Variants in WDR70 observed in about 807,000 individuals in gnomAD.
WDR70 encodes the protein WD repeat domain 70.
Under a neutral mutation model 88.6 loss-of-function variants are expected in WDR70, and 53 were observed. The observed-to-expected ratio is 0.60, with a 90% CI of 0.48 to 0.75. WDR70 has a LOEUF of 0.75. Ranked by LOEUF, WDR70 falls within the 30% of genes least tolerant of loss-of-function variation. The probability of loss-of-function intolerance (pLI) is 0.00; values close to 1 mark genes in which losing one functional copy is unlikely to be tolerated. For synonymous variants in WDR70, 280 were observed against 270.0 expected (o/e 1.04, Z -0.36); for missense variants, 610 against 823.2 (o/e 0.74, Z 3.17).
intron 5 of WDR70, among the ~76,000 whole-genome samples, chr5:37,427,656 G>GC (rs1750173674): frequency 1.3e-5 from 2 of 152,034 alleles, no homozygotes; most frequent in African/African-American, 2.4e-5. Context: ...TGGGTGGATC[G>GC]CTTGAGGATC....
At chr5:37,614,132 G>A (rs545780613) in intron 10 of WDR70, among the ~76,000 whole-genome samples, 1 of 152,336 alleles carries the variant, frequency 6.6e-6, no homozygotes, top group Admixed American at 6.5e-5. Context: ...AAATCAAGGT[G>A]TTAGCAGGGT....
At chr5:37,516,911 G>A (rs1310866936) in intron 9 of WDR70, among the ~76,000 whole-genome samples, 1 of 151,382 alleles carries the variant, frequency 6.6e-6, no homozygotes, top group Non-Finnish European at 1.5e-5. Context: ...TAGTAGAGAC[G>A]GGGTTTCATC....
At chr5:37,503,887 G>A (rs1016186814) in intron 8 of WDR70, among the ~76,000 whole-genome samples, 2 of 152,176 alleles carry the variant, frequency 1.3e-5, no homozygotes, top group East Asian at 3.9e-4. Flanking sequence ...ATTTCCTCTA[G>A]ATTTTCTAGT....
intron 17 of WDR70, among the ~76,000 whole-genome samples, chr5:37,736,082 A>G (rs1748298426): frequency 1.3e-5 from 2 of 152,180 alleles, no homozygotes; most frequent in Non-Finnish European, 2.9e-5. Context: ...AGTTTCTTGT[A>G]AGAAGATGCT....
intron 13 of WDR70, among the ~76,000 whole-genome samples, chr5:37,719,029 CA>C (rs1410750156): frequency 6.6e-6 from 1 of 152,164 alleles, no homozygotes; most frequent in Non-Finnish European, 1.5e-5. Context: ...GACATTTAAG[CA>C]AAGACTAAAA....
intron 7 of WDR70, among the ~76,000 whole-genome samples, chr5:37,462,097 T>C (rs1739023999): frequency 6.6e-6 from 1 of 152,186 alleles, no homozygotes; most frequent in Admixed American, 6.5e-5. Context: ...TTAATATTTT[T>C]CTAGGTTATT....
At chr5:37,596,748 A>T (rs1743711563) in intron 9 of WDR70, among the ~76,000 whole-genome samples, 1 of 152,208 alleles carries the variant, frequency 6.6e-6, no homozygotes, top group Admixed American at 6.5e-5. Context: ...TGTTACATTT[A>T]TTGGAGTCTA....
chr5:37,438,986 C>T (rs911829030), intron 6 of WDR70, among the ~76,000 whole-genome samples: 3 of 149,190 alleles, frequency 2.0e-5, no homozygotes, highest in African/African-American at 2.5e-5. Flanking sequence ...GGTGTGATCT[C>T]GGCTCACTGC....
chr5:37,530,532 A>G (rs1011605537), intron 9 of WDR70, among the ~76,000 whole-genome samples: 11 of 151,472 alleles, frequency 7.3e-5, no homozygotes, highest in Non-Finnish European at 1.2e-4. Context: ...TTAATCTGGG[A>G]GGGTTATATA....
chr5:37,718,058 T>G (rs1239876806), intron 13 of WDR70, among the ~76,000 whole-genome samples: 5 of 152,212 alleles, frequency 3.3e-5, no homozygotes, highest in African/African-American at 1.2e-4. Flanking sequence ...GGCTCTGGAA[T>G]GACTGTTTAG....
At chr5:37,721,491 C>T (rs1282524827) in intron 14 of WDR70, 1 of 465,324 alleles carries the variant, frequency 2.1e-6, no homozygotes, top group Admixed American at 3.3e-5. Context: ...AACGTTCTGC[C>T]CACTTTGCAT....
intron 9 of WDR70, among the ~76,000 whole-genome samples, chr5:37,593,395 C>A (rs570217529): frequency 3.3e-5 from 5 of 151,946 alleles, no homozygotes; most frequent in Admixed American, 6.6e-5. Flanking sequence ...TGAGAACATG[C>A]GGTGTTTGAT....
chr5:37,730,078 T>C (rs1215244711), intron 17 of WDR70, among the ~76,000 whole-genome samples: 5 of 152,196 alleles, frequency 3.3e-5, no homozygotes, highest in Non-Finnish European at 7.4e-5. Flanking sequence ...TGAAAATCTT[T>C]GGTGAAGTGT....
intron 8 of WDR70, among the ~76,000 whole-genome samples, chr5:37,512,637 A>G (rs1445465697): frequency 1.3e-5 from 2 of 149,970 alleles, no homozygotes; most frequent in African/African-American, 2.5e-5. Flanking sequence ...GCTGAAGTGC[A>G]GTGGTGTAAT....
chr5:37,744,113 G>C (rs906660343), intron 17 of WDR70, among the ~76,000 whole-genome samples: 6 of 152,166 alleles, frequency 3.9e-5, no homozygotes, highest in Non-Finnish European at 5.9e-5. Context: ...ACATCTCCAG[G>C]CATGGGAGCG....
At chr5:37,640,079 T>C (rs889943614) in intron 10 of WDR70, among the ~76,000 whole-genome samples, 1 of 152,188 alleles carries the variant, frequency 6.6e-6, no homozygotes, top group Non-Finnish European at 1.5e-5. Context: ...TTTCAACCAC[T>C]GTATCATAGT....
chr5:37,601,375 T>C (rs1743877288), intron 9 of WDR70, among the ~76,000 whole-genome samples: 1 of 152,230 alleles, frequency 6.6e-6, no homozygotes. Context: ...ATAAATCCCA[T>C]TTGATCGTGG....
intron 9 of WDR70, among the ~76,000 whole-genome samples, chr5:37,592,071 A>G (rs1289059858): frequency 1.3e-5 from 2 of 152,188 alleles, no homozygotes; most frequent in Non-Finnish European, 2.9e-5. Context: ...TTCAGGTCAA[A>G]TATCTATTAT....
intron 10 of WDR70, among the ~76,000 whole-genome samples, chr5:37,686,951 AAATAAT>A (rs70978838): frequency 0.11 from 15,278 of 142,832 alleles, 1,035 homozygotes; most frequent in African/African-American, 0.19. Flanking sequence ...CTCTGTCTCA[AAATAAT>A]AATAATAATA....
Sources: gnomAD v4.1 joint callset for allele counts (sites outside exome capture counted in the v4.1 genomes callset) on GRCh38, gnomAD v4.1.1 for gene constraint, MANE v1.5 for transcripts, NCBI Gene and HGNC (gene_info 2026-07-23, HGNC 2026-07-21) for gene names.